Variants in DCC observed in about 807,000 individuals in gnomAD.
DCC encodes netrin receptor DCC.
A neutral mutation model predicts 172.5 loss-of-function variants in DCC; 58 were observed. The ratio of observed to expected loss-of-function variants is 0.34; its 90% confidence interval spans 0.27 to 0.42. The LOEUF (loss-of-function observed/expected upper bound fraction) is 0.42, where lower values mean the gene tolerates loss of function less well. DCC is among the 10% of genes least tolerant of loss of function. The pLI is 1.00. For synonymous variants in DCC, 709 were observed against 644.5 expected, an observed-to-expected ratio of 1.10 and a Z score of -1.52; for missense variants, 1,740 against 1,791.0, an observed-to-expected ratio of 0.97 and a Z score of 0.51.
intron 1 of DCC, among the ~76,000 whole-genome samples, chr18:52,412,285 C>T (rs1986870472): frequency 6.6e-6 from 1 of 152,042 alleles, no homozygotes; most frequent in Admixed American, 6.6e-5. Context: ...ATTGATTTGA[C>T]AGTCATTCCT....
At chr18:53,118,617 T>C (rs1184289400) in intron 7 of DCC, among the ~76,000 whole-genome samples, 1 of 151,848 alleles carries the variant, frequency 6.6e-6, no homozygotes, top group Admixed American at 6.6e-5. Flanking sequence ...TAAAATATTA[T>C]GGTCCCTGTA....
chr18:52,465,244 C>G (rs1245124419), intron 1 of DCC, among the ~76,000 whole-genome samples: 1 of 152,260 alleles, frequency 6.6e-6, no homozygotes, highest in East Asian at 1.9e-4. Flanking sequence ...TTAGAATTAA[C>G]CTGCCTCTGA....
At chr18:52,808,482 CAA>C (rs891162190) in intron 2 of DCC, among the ~76,000 whole-genome samples, 3 of 148,716 alleles carry the variant, frequency 2.0e-5, no homozygotes, top group African/African-American at 7.5e-5. Flanking sequence ...TCATGAAAAA[CAA>C]AAGACAAAAT....
intron 1 of DCC, among the ~76,000 whole-genome samples, chr18:52,484,256 A>G (rs2030097984): frequency 6.6e-6 from 1 of 152,112 alleles, no homozygotes; most frequent in Admixed American, 6.6e-5. Context: ...CCATTCTTAG[A>G]GTACAGTAGA....
intron 2 of DCC, among the ~76,000 whole-genome samples, chr18:52,825,883 T>C (rs2038500355): frequency 6.6e-6 from 1 of 152,166 alleles, no homozygotes; most frequent in Admixed American, 6.5e-5. Context: ...GGAGGCAAAA[T>C]ACTGAATAAA....
intron 15 of DCC, among the ~76,000 whole-genome samples, chr18:53,357,115 G>A (rs556663518): frequency 6.6e-6 from 1 of 152,212 alleles, no homozygotes; most frequent in South Asian, 2.1e-4. Context: ...TCTTTAATAA[G>A]TGATTAAACA....
chr18:52,846,853 A>AT (rs2038902078), intron 2 of DCC, among the ~76,000 whole-genome samples: 1 of 152,150 alleles, frequency 6.6e-6, no homozygotes, highest in Non-Finnish European at 1.5e-5. Context: ...TTCACCAGAA[A>AT]TCTGTGCAAG....
chr18:52,799,627 G>C (rs2037944284), intron 2 of DCC, among the ~76,000 whole-genome samples: 1 of 152,112 alleles, frequency 6.6e-6, no homozygotes, highest in Non-Finnish European at 1.5e-5. Flanking sequence ...ATACTTGTAT[G>C]GAGCCCATCT....
At chr18:53,131,944 C>T (rs1308862811) in intron 7 of DCC, among the ~76,000 whole-genome samples, 9 of 112,852 alleles carry the variant, frequency 8.0e-5, no homozygotes, top group Admixed American at 2.2e-4. Flanking sequence ...GTATCATTGT[C>T]TCTAAGTGAT....
chr18:52,965,432 A>C (rs1203241149), intron 5 of DCC, among the ~76,000 whole-genome samples: 1 of 152,158 alleles, frequency 6.6e-6, no homozygotes, highest in African/African-American at 2.4e-5. Context: ...TTAAAGTACA[A>C]ATTTCTAAGC....
rs958733998 is a variant in DCC at position 53,459,441 on chromosome 18, A to G, written c.3602A>G (p.Lys1201Arg). 10 of 1,609,500 alleles carry G rather than the reference A, an allele frequency of 6.2e-6. No homozygotes were observed. Among genetic ancestry groups the G allele is most frequent in the Admixed American group, 3.3e-5 (2 of 59,978 alleles). The change falls in exon 24 of 29, where the codon AAA becomes AGA. Residue 1201 changes from lysine to arginine, a missense_variant. By Grantham distance (26) the Lys-to-Arg change is conservative. Coordinates refer to ENST00000442544, the MANE Select transcript of DCC (RefSeq NM_005215.4). Reference protein sequence around the residue: ...HSQSETQLGSKSTSHSGQDTE... With the variant: ...HSQSETQLGSRSTSHSGQDTE... ...CAGTCAGAAACCCAACTGGGAAGCA[A>G]AAGCACCTCTCATTCAGGTAATTAT...
At chr18:52,420,510 G>T (rs1404043267) in intron 1 of DCC, among the ~76,000 whole-genome samples, 1 of 152,124 alleles carries the variant, frequency 6.6e-6, no homozygotes, top group Non-Finnish European at 1.5e-5. Context: ...AATGGATTTT[G>T]GGGCACCTTC....
At chr18:52,360,254 A>G (rs1297755717) in intron 1 of DCC, among the ~76,000 whole-genome samples, 1 of 152,238 alleles carries the variant, frequency 6.6e-6, no homozygotes, top group Non-Finnish European at 1.5e-5. Context: ...CAAATGTCAC[A>G]GTTTTCACTA....
chr18:53,259,783 C>T (rs2056571153), intron 12 of DCC, among the ~76,000 whole-genome samples: 1 of 152,176 alleles, frequency 6.6e-6, no homozygotes, highest in African/African-American at 2.4e-5. Flanking sequence ...GGAAGTTCTC[C>T]TGGATAATAT....
intron 19 of DCC, 52 bp downstream of exon 19, chr18:53,402,945 G>T (rs768271046): frequency 3.8e-6 from 5 of 1,315,914 alleles, no homozygotes; most frequent in Non-Finnish European, 5.5e-6. Context: ...TCCTATAATT[G>T]CTTACCCCCT....
chr18:53,054,502 T>C (rs1029835224), intron 5 of DCC, among the ~76,000 whole-genome samples: 29 of 152,074 alleles, frequency 1.9e-4, no homozygotes, highest in African/African-American at 6.0e-4. Context: ...AGTAAGTATA[T>C]AGAATTTGGA....
chr18:52,763,801 T>G (rs1374902230), intron 2 of DCC, among the ~76,000 whole-genome samples: 1 of 152,226 alleles, frequency 6.6e-6, no homozygotes, highest in African/African-American at 2.4e-5. Context: ...CTTTGCTATT[T>G]AACATAAATG....
chr18:53,159,774 C>A (rs1342744876), intron 8 of DCC, among the ~76,000 whole-genome samples: 1 of 152,096 alleles, frequency 6.6e-6, no homozygotes, highest in Non-Finnish European at 1.5e-5. Context: ...TACTATTTAT[C>A]AAATGTGTGA....
intron 12 of DCC, among the ~76,000 whole-genome samples, chr18:53,263,064 A>C (rs1294667546): frequency 6.6e-6 from 1 of 152,218 alleles, no homozygotes; most frequent in African/African-American, 2.4e-5. Flanking sequence ...CCATCTAGCA[A>C]AAGCAACATG....
Sources: allele counts gnomAD v4.1 joint callset (sites outside exome capture counted in the v4.1 genomes callset), GRCh38; gene constraint gnomAD v4.1.1; transcripts MANE v1.5; gene names NCBI Gene and HGNC (gene_info 2026-07-23, HGNC 2026-07-21).